Variants in EXTL3 observed in about 807,000 individuals in gnomAD.
The protein encoded by EXTL3 is exostosin like glycosyltransferase 3.
Under a neutral mutation model 69.3 loss-of-function variants are expected in EXTL3, and 27 were observed. That is an observed-to-expected ratio of 0.39 (90% CI 0.29 to 0.54). EXTL3 has a LOEUF of 0.54. Ranked by LOEUF, EXTL3 falls within the 20% of genes least tolerant of loss-of-function variation. The pLI is 0.69. For missense variants in EXTL3, 1,003 were observed against 1,231.8 expected (o/e 0.81, Z 2.78); for synonymous variants, 511 against 499.4 (o/e 1.02, Z -0.31).
Position 28,751,150 on chromosome 8 carries a change from T to G in EXTL3, c.*284T>G. 2.1e-6 allele frequency: 1 copy of G among 479,300 alleles called. No individual in the cohort carries two copies. 29.7% of individuals were successfully genotyped at this position (479,300 alleles called of 1,614,324 possible). On this transcript the variant is annotated 3_prime_UTR_variant, in exon 7 of 7. Coordinates refer to ENST00000220562, the MANE Select transcript of EXTL3 (RefSeq NM_001440.4). ...TCTGCAGAGTCACTCACACCGTTCG[T>G]ACGCCCAGGACAGCTGGTTCGTGGT...
At chr8:28,704,632 T>C (rs553620048) in intron 1 of EXTL3, among the ~76,000 whole-genome samples, 1 of 152,340 alleles carries the variant, frequency 6.6e-6, no homozygotes, top group African/African-American at 2.4e-5. Context: ...AATTTTGACC[T>C]ACTCTTTCCA....
intron 2 of EXTL3, among the ~76,000 whole-genome samples, chr8:28,610,753 T>C (rs565198848): frequency 6.6e-6 from 1 of 151,986 alleles, no homozygotes; most frequent in South Asian, 2.1e-4. Flanking sequence ...TCTTTTTTTT[T>C]TTTTTTTTAG....
intron 3 of EXTL3, among the ~76,000 whole-genome samples, chr8:28,729,747 T>A (rs1801496724): frequency 6.6e-6 from 1 of 151,812 alleles, no homozygotes; most frequent in Non-Finnish European, 1.5e-5. Flanking sequence ...ATGCCTGTAA[T>A]CCTTGCACTT....
chr8:28,658,207 G>T (rs1807045275), intron 1 of EXTL3, among the ~76,000 whole-genome samples: 3 of 152,156 alleles, frequency 2.0e-5, no homozygotes, highest in Admixed American at 1.3e-4. Context: ...GGTGGGTGGG[G>T]GGGGTCCCTC....
At chr8:28,722,774 TAA>T (rs397711641) in intron 3 of EXTL3, among the ~76,000 whole-genome samples, 60 of 97,584 alleles carry the variant, frequency 6.1e-4, no homozygotes, top group Admixed American at 5.7e-4. Context: ...ACCCTGTCTC[TAA>T]AAAAAAAAAA....
At chr8:28,642,658 T>C (rs1806763384) in intron 1 of EXTL3, among the ~76,000 whole-genome samples, 1 of 152,028 alleles carries the variant, frequency 6.6e-6, no homozygotes, top group African/African-American at 2.4e-5. Context: ...GTGGAACCGA[T>C]TGACCAATAT....
At chr8:28,686,132 C>G (rs551350696) in intron 1 of EXTL3, 2 of 152,276 alleles carry the variant, frequency 1.3e-5, no homozygotes, top group Non-Finnish European at 2.9e-5. Flanking sequence ...TTCCAAAGTG[C>G]TGGGATTACA....
At chr8:28,647,107 CTT>C (rs773651622) in intron 1 of EXTL3, among the ~76,000 whole-genome samples, 11 of 143,488 alleles carry the variant, frequency 7.7e-5, no homozygotes, top group Middle Eastern at 3.6e-3. Flanking sequence ...TAATTTAGTT[CTT>C]TTTTTTTTTT....
chr8:28,702,770 T>G (rs575657278), intron 1 of EXTL3, among the ~76,000 whole-genome samples: 1 of 152,294 alleles, frequency 6.6e-6, no homozygotes, highest in East Asian at 1.9e-4. Flanking sequence ...GTCCTATTCT[T>G]TGTCCAATTT....
At position 28,716,809 on chromosome 8, in the gene EXTL3, G is replaced by C; in HGVS notation, c.750G>C (p.Val250=). The change falls in exon 3 of 7, where the codon GTG becomes GTC. Residue 250 remains valine, a synonymous_variant. Coordinates refer to ENST00000220562, the MANE Select transcript of EXTL3 (RefSeq NM_001440.4). The surrounding 1 kb of genome is among the most constrained non-coding windows in gnomAD (Gnocchi z 7.1). ...TGGGAGAGATGCAGGAGCCGGTGGT[G>C]CTGCGGCCTGCTGAGCTGGAGAAGC... The part of the protein sequence containing the change: ...ILVGEMQEPV[V]LRPAELEKQL... 6.2e-7 allele frequency: 1 copy of C among 1,614,198 alleles called. No homozygotes were observed. Among genetic ancestry groups the C allele is most frequent in the Non-Finnish European group, 8.5e-7 (1 of 1,180,036 alleles).
At chr8:28,744,037 A>C (rs4732873) in intron 6 of EXTL3, 46,126 of 152,090 alleles carry the variant, frequency 0.3, 7,107 homozygotes, top group African/African-American at 0.37. Context: ...GGTTCCACCC[A>C]CTTCCTGTCA....
intron 1 of EXTL3, among the ~76,000 whole-genome samples, chr8:28,635,147 A>G (rs1318686318): frequency 6.6e-6 from 1 of 152,086 alleles, no homozygotes; most frequent in Non-Finnish European, 1.5e-5. Flanking sequence ...ATGTTGATGA[A>G]TGGAAACTGA....
rs754724657 is a variant in EXTL3, at chr8:28,717,524, C to T, written c.1465C>T (p.Arg489Cys). Reference sequence around the variant, plus strand: ...GGCGGCCCTGGTGGTGCCAAAGCCTCGTGTTACCGAGGTTCATTTCCTGCT... The same window carrying T: ...GGCGGCCCTGGTGGTGCCAAAGCCTTGTGTTACCGAGGTTCATTTCCTGCT... ...NEAALVVPKPRVTEVHFLLRS... is the reference protein window; with the variant it reads ...NEAALVVPKPCVTEVHFLLRS... Residue 489 changes from arginine (R) to cysteine (C), a missense_variant, in exon 3 of 7, where the codon CGT becomes TGT. Physicochemically the swap from Arg to Cys is radical, Grantham distance 180 (BLOSUM62 -3). Coordinates refer to ENST00000220562, the MANE Select transcript of EXTL3 (RefSeq NM_001440.4). The surrounding 1 kb of genome is among the most constrained non-coding windows in gnomAD (Gnocchi z 8.3). 6.2e-6 allele frequency: 10 copies of T among 1,614,124 alleles called. No homozygotes were observed. The highest frequency in any genetic ancestry group is 2.2e-5 in the East Asian group (1 of 44,894).
chr8:28,742,749 C>G, intron 5 of EXTL3: 16 of 211,408 alleles, frequency 7.6e-5, no homozygotes, highest in South Asian at 2.0e-4. Context: ...TTTTTTTTGG[C>G]CATTGTTAGA....
chr8:28,633,408 G>A (rs1200515400), intron 1 of EXTL3, among the ~76,000 whole-genome samples: 1 of 151,964 alleles, frequency 6.6e-6, no homozygotes, highest in Non-Finnish European at 1.5e-5. Flanking sequence ...ATCTCACTTT[G>A]GGAGGCTGAG....
At chr8:28,655,290 A>G (rs1806989985) in intron 1 of EXTL3, among the ~76,000 whole-genome samples, 1 of 152,132 alleles carries the variant, frequency 6.6e-6, no homozygotes, top group Admixed American at 6.5e-5. Context: ...TAAGAAAAAG[A>G]AGAAAGAAAA....
intron 1 of EXTL3, among the ~76,000 whole-genome samples, chr8:28,676,439 A>G (rs1043123658): frequency 2.0e-5 from 3 of 152,198 alleles, no homozygotes; most frequent in African/African-American, 4.8e-5. Context: ...GCTGTCACAC[A>G]ACCCAGATTA....
chr8:28,729,576 A>G lies in EXTL3; in HGVS notation c.2149-1647A>G, dbSNP rs572848054. Among the ~76,000 whole-genome samples the G allele has an allele frequency of 2.0e-4, 26 of 128,826 alleles. No individual in the cohort carries two copies. In the South Asian group the frequency reaches 6.8e-3, roughly 34 times the overall value. 84.5% of individuals were successfully genotyped at this position (128,826 alleles called of 152,430 possible). Reference sequence around the variant, plus strand: ...GCGCGACTGCACTCCAGCCTGGGTGACAGAGTGAGACTCCATCTCAAAAAA... The same window carrying G: ...GCGCGACTGCACTCCAGCCTGGGTGGCAGAGTGAGACTCCATCTCAAAAAA... On this transcript the variant is annotated intron_variant, in intron 3 of 6. Transcript: ENST00000220562.
chr8:28,748,332 C>T (rs960172006), intron 6 of EXTL3, among the ~76,000 whole-genome samples: 1 of 150,606 alleles, frequency 6.6e-6, no homozygotes, highest in Non-Finnish European at 1.5e-5. Context: ...GATCACCGCA[C>T]TGCACTCCAG....
Sources: gnomAD v4.1 joint callset for allele counts (sites outside exome capture counted in the v4.1 genomes callset) on GRCh38, gnomAD v4.1.1 for gene constraint, Gnocchi (gnomAD v3.1) non-coding constraint, MANE v1.5 for transcripts, NCBI Gene and HGNC (gene_info 2026-07-23, HGNC 2026-07-21) for gene names.